Variants in MTUS2 observed in about 807,000 individuals in gnomAD.
MTUS2 encodes the protein microtubule associated scaffold protein 2, also known as microtubule-associated tumor suppressor candidate 2.
MTUS2 carries 40 observed loss-of-function variants against 114.1 expected under a neutral mutation model. The observed-to-expected ratio is 0.35, with a 90% CI of 0.27 to 0.46. The LOEUF is 0.46. MTUS2 is among the 20% of genes least tolerant of loss of function. MTUS2 has a pLI of 1.00. For synonymous variants in MTUS2, 688 were observed against 672.0 expected, an observed-to-expected ratio of 1.02 and a Z score of -0.37; for missense variants, 1,679 against 1,705.4, an observed-to-expected ratio of 0.98 and a Z score of 0.27.
chr13:29,264,454 T>A (rs35974887), intron 5 of MTUS2, among the ~76,000 whole-genome samples: 1 of 152,246 alleles, frequency 6.6e-6, no homozygotes, highest in Admixed American at 6.5e-5. Flanking sequence ...CAGTGCCCCA[T>A]TGGGGACTCT....
intron 10 of MTUS2, among the ~76,000 whole-genome samples, chr13:29,486,407 C>T (rs941658997): frequency 5.3e-5 from 8 of 152,192 alleles, no homozygotes; most frequent in Non-Finnish European, 7.3e-5. Context: ...TATATCCTCA[C>T]GTGTCAACTT....
At chr13:29,444,067 A>G (rs1309211996) in intron 9 of MTUS2, among the ~76,000 whole-genome samples, 2 of 152,192 alleles carry the variant, frequency 1.3e-5, no homozygotes, top group Non-Finnish European at 2.9e-5. Context: ...AATTCCACCA[A>G]TATCTGTTAA....
chr13:29,310,676 A>G (rs1221940387), intron 6 of MTUS2, among the ~76,000 whole-genome samples: 2 of 152,250 alleles, frequency 1.3e-5, no homozygotes, highest in Non-Finnish European at 2.9e-5. Context: ...GAAGAATGCA[A>G]TTCAAATCAC....
At chr13:29,095,159 T>C (rs1890125264) in intron 4 of MTUS2, among the ~76,000 whole-genome samples, 1 of 152,120 alleles carries the variant, frequency 6.6e-6, no homozygotes, top group Admixed American at 6.5e-5. Context: ...GAATGTTTTA[T>C]AGAGGTCTGT....
chr13:29,371,976 G>GCGCC (rs1555270431), intron 8 of MTUS2, among the ~76,000 whole-genome samples: 1 of 23,906 alleles, frequency 4.2e-5, no homozygotes, highest in Non-Finnish European at 8.6e-5. Flanking sequence ...CTCAACCCCC[G>GCGCC]CCCCCCCCCC....
At chr13:29,091,563 A>G (rs1041647908) in intron 4 of MTUS2, among the ~76,000 whole-genome samples, 1 of 152,092 alleles carries the variant, frequency 6.6e-6, no homozygotes, top group Non-Finnish European at 1.5e-5. Flanking sequence ...ATATCTTCAC[A>G]TGATCCAGTC....
At chr13:29,491,654 C>T (rs1045369053) in intron 11 of MTUS2, among the ~76,000 whole-genome samples, 6 of 131,738 alleles carry the variant, frequency 4.6e-5, no homozygotes, top group African/African-American at 1.8e-4. Flanking sequence ...GTGTGTGTGG[C>T]ATGTAGTGTG....
At chr13:28,931,952 A>G (rs1051829483) in intron 2 of MTUS2, among the ~76,000 whole-genome samples, 1 of 152,092 alleles carries the variant, frequency 6.6e-6, no homozygotes, top group African/African-American at 2.4e-5. Context: ...ATCTTCCCAT[A>G]TATTTTAAAT....
chr13:29,196,104 T>A (rs1395586925), intron 5 of MTUS2, among the ~76,000 whole-genome samples: 2 of 151,912 alleles, frequency 1.3e-5, no homozygotes, highest in Admixed American at 1.3e-4. Flanking sequence ...GCAGATTTTT[T>A]TTTTTTTTTT....
chr13:28,934,287 CCTT>C lies in MTUS2; in HGVS notation c.-242-90160_-242-90158del, dbSNP rs553948500. On this transcript the variant is annotated intron_variant, in intron 2 of 15. Transcript: ENST00000612955. ...TATTGCATTGGGTTTTCATATGTTT[CCTT>C]CTTCTTCTTGTGTGTTTGTTATTCT... Among the ~76,000 whole-genome samples, 12 of 152,050 alleles carry C rather than the reference CCTT, an allele frequency of 7.9e-5. No homozygotes were observed. In the South Asian group the frequency reaches 1.2e-3, roughly 16 times the overall value.
At chr13:29,079,593 G>T (rs1399491807) in intron 4 of MTUS2, among the ~76,000 whole-genome samples, 1 of 152,116 alleles carries the variant, frequency 6.6e-6, no homozygotes, top group Non-Finnish European at 1.5e-5. Flanking sequence ...AAATATAGAT[G>T]AATAGGGGTC....
chr13:29,243,343 G>A (rs1896798028), intron 5 of MTUS2, among the ~76,000 whole-genome samples: 1 of 152,144 alleles, frequency 6.6e-6, no homozygotes, highest in South Asian at 2.1e-4. Context: ...AGATAGCTGG[G>A]CCGCAGGAGC....
intron 2 of MTUS2, among the ~76,000 whole-genome samples, chr13:28,894,329 G>GGAGAGA (rs781653092): frequency 1.6e-5 from 1 of 60,874 alleles, no homozygotes; most frequent in Non-Finnish European, 3.0e-5. Flanking sequence ...AGGGAGGGAG[G>GGAGAGA]GAGAGAGAGA....
At chr13:28,910,741 A>G (rs777193948) in intron 2 of MTUS2, among the ~76,000 whole-genome samples, 1 of 151,848 alleles carries the variant, frequency 6.6e-6, no homozygotes, top group Non-Finnish European at 1.5e-5. Context: ...ATAGTATTCC[A>G]TAATGTATAT....
At chr13:28,865,335 A>C (rs993619371) in intron 2 of MTUS2, among the ~76,000 whole-genome samples, 6 of 152,044 alleles carry the variant, frequency 3.9e-5, no homozygotes, top group African/African-American at 1.5e-4. Context: ...GCATGGTGCT[A>C]ATGGAGTCCT....
intron 2 of MTUS2, among the ~76,000 whole-genome samples, chr13:28,946,304 T>TGTGCGC (rs1179597309): frequency 6.7e-6 from 1 of 150,216 alleles, no homozygotes; most frequent in African/African-American, 2.5e-5. Context: ...TGTGTGTGTG[T>TGTGCGC]GCGCGCGCAC....
intron 2 of MTUS2, among the ~76,000 whole-genome samples, chr13:29,015,936 G>A (rs555552119): frequency 1.3e-4 from 19 of 151,156 alleles, no homozygotes; most frequent in South Asian, 2.1e-4. Context: ...ATGAAGTCTC[G>A]CTCTGTCTCC....
At chr13:29,354,499 T>G (rs1869574502) in intron 7 of MTUS2, among the ~76,000 whole-genome samples, 1 of 152,060 alleles carries the variant, frequency 6.6e-6, no homozygotes, top group Admixed American at 6.6e-5. Context: ...GTCTAGAGAG[T>G]GGGTTATATG....
intron 4 of MTUS2, among the ~76,000 whole-genome samples, chr13:29,095,044 C>A (rs759223414): frequency 6.6e-6 from 1 of 152,000 alleles, no homozygotes; most frequent in Non-Finnish European, 1.5e-5. Flanking sequence ...TCATTTCAAT[C>A]CTTTTTAATT....
Sources: allele counts gnomAD v4.1 joint callset (sites outside exome capture counted in the v4.1 genomes callset), GRCh38; gene constraint gnomAD v4.1.1; transcripts MANE v1.5; gene names NCBI Gene and HGNC (gene_info 2026-07-23, HGNC 2026-07-21).